The following EPHB1 variants were observed in gnomAD, a reference collection of about 807,000 sequenced individuals.
EPHB1 encodes the protein EPH receptor B1, also known as ephrin type-B receptor 1.
In EPHB1, 30 loss-of-function variants were observed where a neutral mutation model predicts 94.4. That is an observed-to-expected ratio of 0.32 (90% confidence interval 0.24 to 0.43). The LOEUF is 0.43. EPHB1 is among the 20% of genes least tolerant of loss of function. The pLI is 1.00. For missense variants in EPHB1, 1,055 were observed against 1,308.3 expected, an observed-to-expected ratio of 0.81 and a Z score of 2.99; for synonymous variants, 522 against 489.1, an observed-to-expected ratio of 1.07 and a Z score of -0.89.
At chr3:134,993,257 G>T (rs954039593) in intron 3 of EPHB1, among the ~76,000 whole-genome samples, 2 of 152,186 alleles carry the variant, frequency 1.3e-5, no homozygotes, top group South Asian at 2.1e-4. Flanking sequence ...GATGTTAGAC[G>T]AGCAAGTCCT....
Position 135,179,372 on chromosome 3 carries a change from G to A in EPHB1, c.1760-488G>A, listed in dbSNP as rs573236842. ...TTTTCTAACAGCAATTTCTCTCTTT[G>A]TAAAAAAATCCATCCTCTTCCCTCT... On this transcript the variant is annotated intron_variant, in intron 9 of 15. Transcript: ENST00000398015. 2.6e-4 allele frequency among the ~76,000 whole-genome samples: 40 copies of A among 152,036 alleles called. No homozygotes were observed. In the South Asian group the frequency reaches 8.3e-3, roughly 32 times the overall value.
chr3:134,994,986 T>TTGTGTGTGTGTGTG (rs57873051), intron 3 of EPHB1, among the ~76,000 whole-genome samples: 13 of 148,380 alleles, frequency 8.8e-5, no homozygotes, highest in South Asian at 2.2e-4. Flanking sequence ...TTACATACAC[T>TTGTGTGTGTGTGTG]TGTGTGTGTG....
At chr3:134,846,931 C>A (rs1262920025) in intron 1 of EPHB1, among the ~76,000 whole-genome samples, 1 of 152,188 alleles carries the variant, frequency 6.6e-6, no homozygotes, top group Non-Finnish European at 1.5e-5. Context: ...CTTTTGGATT[C>A]TGTAGCTGCA....
At chr3:135,084,062 T>C (rs1022739949) in intron 3 of EPHB1, among the ~76,000 whole-genome samples, 1 of 152,232 alleles carries the variant, frequency 6.6e-6, no homozygotes, top group African/African-American at 2.4e-5. Context: ...ATAGATTTTT[T>C]TTCTTTTCTT....
At chr3:135,188,050 T>A (rs1942372246) in intron 10 of EPHB1, among the ~76,000 whole-genome samples, 2 of 151,018 alleles carry the variant, frequency 1.3e-5, no homozygotes, top group South Asian at 4.2e-4. Flanking sequence ...AATAAAAAAA[T>A]TAGATAAAAG....
intron 5 of EPHB1, among the ~76,000 whole-genome samples, chr3:135,137,745 A>G (rs1194324499): frequency 6.6e-6 from 1 of 152,222 alleles, no homozygotes; most frequent in East Asian, 1.9e-4. Context: ...AAACTATGCT[A>G]TGGACTGAGA....
intron 3 of EPHB1, among the ~76,000 whole-genome samples, chr3:135,061,372 C>T (rs1256861497): frequency 7.7e-6 from 1 of 130,042 alleles, no homozygotes; most frequent in East Asian, 2.7e-4. Context: ...ATGACCACCC[C>T]CCCCGACCCA....
intron 1 of EPHB1, among the ~76,000 whole-genome samples, chr3:134,846,004 C>T (rs34894066): frequency 0.15 from 23,391 of 152,050 alleles, 2,309 homozygotes; most frequent in African/African-American, 0.29. Flanking sequence ...TTTCTTTTCA[C>T]GACTGCAGAG....
intron 1 of EPHB1, among the ~76,000 whole-genome samples, chr3:134,876,022 C>T (rs16842212): frequency 0.021 from 3,144 of 152,262 alleles, 107 homozygotes; most frequent in African/African-American, 0.072. Context: ...TGCACTGAGT[C>T]GTGTGCTAGG....
chr3:134,998,242 A>G (rs1423159728), intron 3 of EPHB1, among the ~76,000 whole-genome samples: 2 of 152,154 alleles, frequency 1.3e-5, no homozygotes, highest in African/African-American at 2.4e-5. Context: ...TGCTTTTCCC[A>G]TAGGACCACT....
intron 5 of EPHB1, among the ~76,000 whole-genome samples, chr3:135,145,378 C>G (rs1043062139): frequency 6.6e-6 from 1 of 152,150 alleles, no homozygotes; most frequent in East Asian, 1.9e-4. Context: ...TCATTCACAA[C>G]CCCATCACTC....
intron 4 of EPHB1, among the ~76,000 whole-genome samples, chr3:135,108,257 T>C (rs1559833343): frequency 6.6e-6 from 1 of 152,224 alleles, no homozygotes; most frequent in Admixed American, 6.5e-5. Context: ...TAAAGAGTTT[T>C]AGAAATTTAA....
intron 3 of EPHB1, among the ~76,000 whole-genome samples, chr3:135,051,043 C>T (rs1174939689): frequency 6.6e-6 from 1 of 152,142 alleles, no homozygotes; most frequent in Admixed American, 6.5e-5. Flanking sequence ...CTTCCCTAAA[C>T]CTCCTTTTTT....
intron 4 of EPHB1, among the ~76,000 whole-genome samples, chr3:135,122,006 CGT>C (rs1939984596): frequency 1.3e-5 from 2 of 152,138 alleles, no homozygotes; most frequent in Non-Finnish European, 2.9e-5. Context: ...TCCAAGTTCC[CGT>C]AGCACAATGC....
At chr3:134,925,332 G>A (rs2038767775) in intron 1 of EPHB1, among the ~76,000 whole-genome samples, 1 of 152,254 alleles carries the variant, frequency 6.6e-6, no homozygotes, top group Non-Finnish European at 1.5e-5. Context: ...AGAATGTGTG[G>A]AGAGGAAGGA....
intron 4 of EPHB1, among the ~76,000 whole-genome samples, chr3:135,109,220 C>G (rs1343052085): frequency 3.9e-5 from 6 of 152,184 alleles, no homozygotes. Flanking sequence ...TCTGGGAAAG[C>G]TCATAGAATC....
chr3:134,796,955 G>A (rs966893057), intron 1 of EPHB1, among the ~76,000 whole-genome samples: 5 of 152,184 alleles, frequency 3.3e-5, no homozygotes, highest in Admixed American at 3.3e-4. Context: ...CGATGGTTTG[G>A]TGCCCCCCGC....
intron 12 of EPHB1, among the ~76,000 whole-genome samples, chr3:135,203,096 T>C (rs1480253650): frequency 6.6e-6 from 1 of 152,192 alleles, no homozygotes; most frequent in Non-Finnish European, 1.5e-5. Flanking sequence ...GAAACCATCA[T>C]TCTTAGAAAA....
chr3:134,872,664 G>A (rs932774202), intron 1 of EPHB1, among the ~76,000 whole-genome samples: 6 of 152,208 alleles, frequency 3.9e-5, no homozygotes, highest in Admixed American at 6.5e-5. Context: ...AATTACATGA[G>A]TGATCATGTC....
Sources: gnomAD v4.1 joint callset for allele counts (sites outside exome capture counted in the v4.1 genomes callset) on GRCh38, gnomAD v4.1.1 for gene constraint, MANE v1.5 for transcripts, NCBI Gene and HGNC (gene_info 2026-07-23, HGNC 2026-07-21) for gene names.